The following PRTG variants were observed in gnomAD, a reference collection of about 807,000 sequenced individuals.
The protein encoded by PRTG is protogenin, also known as immunoglobulin superfamily, DCC subclass, member 5.
In PRTG, 67 loss-of-function variants were observed where a neutral mutation model predicts 122.5. The observed-to-expected ratio is 0.55, with a 90% confidence interval of 0.45 to 0.67. The LOEUF is 0.67. Ranked by LOEUF, PRTG falls within the 30% of genes least tolerant of loss-of-function variation. The probability of loss-of-function intolerance (pLI) is 0.00; values close to 1 mark genes in which losing one functional copy is unlikely to be tolerated. For synonymous variants in PRTG, 554 were observed against 501.1 expected (o/e 1.11, Z -1.41); for missense variants, 1,435 against 1,415.4 (o/e 1.01, Z -0.22).
intron 2 of PRTG, among the ~76,000 whole-genome samples, chr15:55,732,245 G>A (rs1293360220): frequency 4.6e-5 from 7 of 152,170 alleles, no homozygotes; most frequent in African/African-American, 1.7e-4. Context: ...CTAGAGTGCA[G>A]TGACACAATC....
chr15:55,631,049 G>C (rs911392585), intron 15 of PRTG, among the ~76,000 whole-genome samples: 5 of 152,154 alleles, frequency 3.3e-5, no homozygotes, highest in Non-Finnish European at 5.9e-5. Flanking sequence ...CACGGTGTGA[G>C]GCAGCCAAAC....
At chr15:55,623,346 T>A in intron 18 of PRTG, among the ~76,000 whole-genome samples, 1 of 152,094 alleles carries the variant, frequency 6.6e-6, no homozygotes, top group East Asian at 1.9e-4. Context: ...GGCGGGCAGA[T>A]CATCTGAGGT....
intron 15 of PRTG, among the ~76,000 whole-genome samples, chr15:55,630,088 G>A (rs1049257195): frequency 9.3e-5 from 14 of 150,882 alleles, no homozygotes; most frequent in African/African-American, 2.2e-4. Flanking sequence ...CCAGGTTCAC[G>A]CCATTCTCCC....
intron 17 of PRTG, among the ~76,000 whole-genome samples, chr15:55,626,132 T>C (rs950337506): frequency 2.0e-5 from 3 of 152,148 alleles, no homozygotes; most frequent in African/African-American, 7.2e-5. Flanking sequence ...ATGAGGATAC[T>C]AGGCCGGGCG....
chr15:55,628,903 A>C lies in PRTG; in HGVS notation c.2725T>G (p.Ser909Ala). Residue 909 changes from serine (S) to alanine (A), a missense_variant, in exon 16 of 20, where the codon TCT becomes GCT. Transcript: ENST00000389286. The part of the protein sequence containing the change: ...NEVGEGPFSN[S>A]VELAVLPKET... ...TTTGGAAGTACTGCCAGCTCCACAG[A>C]ATTTGAAAAGGGTCCTTCTCCCACC... 6.2e-7 allele frequency: 1 copy of C among 1,614,092 alleles called. No individual in the cohort carries two copies. The highest frequency in any genetic ancestry group is 2.2e-5 in the East Asian group (1 of 44,874).
rs2059544823 is a variant in PRTG at position 55,682,470 on chromosome 15, C to T, written c.570G>A (p.Leu190=). ...DRITALPTGV[L]QIYDVSQRDS... The stretch of plus-strand genomic sequence containing the variant: ...CCCTTTGGCTGACATCATAGATCTG[C>T]AATACTCCTGTTGGTAGGGCAGTTA... The change falls in exon 4 of 20, where the codon TTG becomes TTA. Residue 190 remains leucine (L), a synonymous_variant. Coordinates refer to ENST00000389286, the MANE Select transcript of PRTG (RefSeq NM_173814.6). 1.9e-6 allele frequency: 3 copies of T among 1,580,128 alleles called. No homozygotes were observed. Among genetic ancestry groups the T allele is most frequent in the Non-Finnish European group, 2.6e-6 (3 of 1,160,392 alleles).
chr15:55,680,169 A>G lies in PRTG; in HGVS notation c.858T>C (p.Asn286=), dbSNP rs1307811032. ...TGACATCAGATATCATGAGATTACCATTTCCAAGTACCCGAGTATTAAAGA... is the reference window on the plus strand; with the variant it reads ...TGACATCAGATATCATGAGATTACCGTTTCCAAGTACCCGAGTATTAAAGA... ...IDVFNTRVLG[N]GNLMISDVRL... is the part of the protein sequence containing the mutation. The change falls in exon 6 of 20, where the codon AAT becomes AAC. Residue 286 remains asparagine (N), a synonymous_variant. Transcript: ENST00000389286. 3 of 1,612,140 alleles carry G rather than the reference A, an allele frequency of 1.9e-6. No homozygotes were observed. The highest frequency in any genetic ancestry group is 3.3e-5 in the Admixed American group (2 of 59,986).
intron 2 of PRTG, among the ~76,000 whole-genome samples, chr15:55,719,080 T>C (rs1258966814): frequency 6.6e-6 from 1 of 152,202 alleles, no homozygotes; most frequent in Non-Finnish European, 1.5e-5. Context: ...CATACACATA[T>C]ATAACTGGTT....
intron 11 of PRTG, among the ~76,000 whole-genome samples, chr15:55,671,076 C>T (rs571915591): frequency 6.6e-6 from 1 of 152,238 alleles, no homozygotes; most frequent in South Asian, 2.1e-4. Flanking sequence ...AAGCAAAATA[C>T]CATCTGGAAA....
rs768743389 is a variant in PRTG, at chr15:55,740,443, C to A, written c.336G>T (p.Gln112His). Residue 112 changes from glutamine to histidine, a missense_variant, in exon 2 of 20, where the codon CAG becomes CAT. Coordinates refer to ENST00000389286, the MANE Select transcript of PRTG (RefSeq NM_173814.6). The stretch of plus-strand genomic sequence containing the variant: ...CTCCATATTTGTTCATTGCCAAGCA[C>A]TGATAAAATCCTTCATCGGACTGCT... ...RGEQSDEGFY[Q>H]CLAMNKYGAI... The A allele has an allele frequency of 3.8e-5, 61 of 1,614,082 alleles. No homozygotes were observed. Among genetic ancestry groups the A allele is most frequent in the Non-Finnish European group, 4.9e-5 (58 of 1,180,044 alleles).
intron 11 of PRTG, among the ~76,000 whole-genome samples, chr15:55,646,568 C>T (rs906599349): frequency 2.0e-5 from 3 of 152,122 alleles, no homozygotes; most frequent in Non-Finnish European, 4.4e-5. Context: ...GTGATCCACC[C>T]GCCTCGTCCT....
chr15:55,648,187 G>A (rs1409873078), intron 11 of PRTG, among the ~76,000 whole-genome samples: 1 of 152,180 alleles, frequency 6.6e-6, no homozygotes, highest in Non-Finnish European at 1.5e-5. Context: ...GGAAGAATTT[G>A]AGGGCAAGTA....
intron 15 of PRTG, among the ~76,000 whole-genome samples, chr15:55,632,771 T>C (rs1384642286): frequency 6.6e-6 from 1 of 152,246 alleles, no homozygotes; most frequent in Non-Finnish European, 1.5e-5. Flanking sequence ...ATAGCATTTA[T>C]GACACTACTT....
intron 2 of PRTG, among the ~76,000 whole-genome samples, chr15:55,709,367 A>G (rs1201940672): frequency 2.7e-5 from 4 of 147,580 alleles, no homozygotes; most frequent in African/African-American, 9.8e-5. Flanking sequence ...AAATATATAT[A>G]AAATATACAA....
rs1567076962 is a variant in PRTG at position 55,635,074 on chromosome 15, G to GTGTGTGTGTGTGTGTGTGTGTGT, written c.2623+2095_2623+2096insACACACACACACACACACACACA. Among the ~76,000 whole-genome samples, 185 of 135,400 alleles carry GTGTGTGTGTGTGTGTGTGTGTGT rather than the reference G, an allele frequency of 1.4e-3. 2 individuals are homozygous for GTGTGTGTGTGTGTGTGTGTGTGT. Among genetic ancestry groups the GTGTGTGTGTGTGTGTGTGTGTGT allele is most frequent in the East Asian group, 4.7e-3 (23 of 4,862 alleles). The allele number at this position is 135,400 out of a possible 152,430, so 88.8% of individuals were successfully genotyped here. A position where few individuals can be genotyped will look rare whatever the true frequency, so the allele number is the denominator to read the frequency against. On this transcript the variant is annotated intron_variant, in intron 15 of 19. Coordinates refer to ENST00000389286, the MANE Select transcript of PRTG (RefSeq NM_173814.6). The stretch of plus-strand genomic sequence containing the variant: ...GGGGAGCCCTCTGTTGTTGGTTCTG[G>GTGTGTGTGTGTGTGTGTGTGTGT]GTGTGTGTGTGTGTGTGTGTGTGTG...
intron 15 of PRTG, among the ~76,000 whole-genome samples, chr15:55,634,223 A>G (rs1390042407): frequency 1.3e-5 from 2 of 151,430 alleles, no homozygotes; most frequent in Non-Finnish European, 2.9e-5. Flanking sequence ...GCCTGCCACC[A>G]CGCCTGGCTA....
chr15:55,668,890 A>G (rs1172050877), intron 11 of PRTG, among the ~76,000 whole-genome samples: 1 of 152,196 alleles, frequency 6.6e-6, no homozygotes, highest in Non-Finnish European at 1.5e-5. Context: ...TACTAAGTAT[A>G]ATTAAATTTA....
Position 55,679,351 on chromosome 15 carries a change from G to C in PRTG, c.1068C>G (p.Pro356=), listed in dbSNP as rs780460683. 9 of 1,612,794 alleles carry C rather than the reference G, an allele frequency of 5.6e-6. No individual in the cohort carries two copies. The South Asian group carries it at 6.6e-5, about 12-fold the overall frequency. ...TTCCATTTTTCAACCATGACATCTT[G>C]GGAGAGGGGATTCCTTCTGCCTGAC... The part of the protein sequence containing the change: ...FVCQAEGIPS[P]KMSWLKNGRK... Residue 356 remains proline (P), a synonymous_variant, in exon 7 of 20, where the codon CCC becomes CCG. Coordinates refer to ENST00000389286, the MANE Select transcript of PRTG (RefSeq NM_173814.6).
intron 2 of PRTG, among the ~76,000 whole-genome samples, chr15:55,735,534 G>C (rs1314086617): frequency 6.6e-6 from 1 of 151,360 alleles, no homozygotes; most frequent in South Asian, 2.1e-4. Context: ...CAGAGCAAAC[G>C]ACCACTGAGA....
Sources: gnomAD v4.1 joint callset for allele counts (sites outside exome capture counted in the v4.1 genomes callset) on GRCh38, gnomAD v4.1.1 for gene constraint, MANE v1.5 for transcripts, NCBI Gene and HGNC (gene_info 2026-07-23, HGNC 2026-07-21) for gene names.